Variants in CTIF observed in about 807,000 individuals in gnomAD.
CTIF encodes cap binding complex dependent translation initiation factor, also known as CBP80/20-dependent translation initiation factor.
Under a neutral mutation model 66.0 loss-of-function variants are expected in CTIF, and 21 were observed. The ratio of observed to expected loss-of-function variants is 0.32; its 90% CI spans 0.23 to 0.46. The LOEUF (loss-of-function observed/expected upper bound fraction) is 0.46. Ranked by LOEUF, CTIF falls within the 20% of genes least tolerant of loss-of-function variation. The pLI is 1.00. For missense variants in CTIF, 739 were observed against 812.7 expected, an observed-to-expected ratio of 0.91 and a Z score of 1.10; for synonymous variants, 345 against 326.4, an observed-to-expected ratio of 1.06 and a Z score of -0.62.
At chr18:48,800,082 G>A (rs939264572) in intron 9 of CTIF, among the ~76,000 whole-genome samples, 5 of 152,234 alleles carry the variant, frequency 3.3e-5, no homozygotes, top group Non-Finnish European at 5.9e-5. Flanking sequence ...TTCAGCAGCC[G>A]GAGGAAGAGG....
chr18:48,560,742 G>T (rs2145610127), intron 1 of CTIF, among the ~76,000 whole-genome samples: 1 of 151,624 alleles, frequency 6.6e-6, no homozygotes, highest in Admixed American at 6.6e-5. Context: ...CACAAAATTT[G>T]TTGTATTTTT....
At chr18:48,578,890 G>T (rs974090467) in intron 1 of CTIF, among the ~76,000 whole-genome samples, 1 of 152,094 alleles carries the variant, frequency 6.6e-6, no homozygotes, top group African/African-American at 2.4e-5. Context: ...GTGTGCTTTT[G>T]GTGTCATATC....
intron 1 of CTIF, among the ~76,000 whole-genome samples, chr18:48,601,131 G>A (rs80241572): frequency 0.018 from 2,800 of 152,276 alleles, 87 homozygotes; most frequent in African/African-American, 0.064. Flanking sequence ...CCACTAAGGT[G>A]TTAGGCCCGT....
In CTIF at chr18:48,862,675, C is replaced by CTAT. The variant is rs944585244; in HGVS notation, c.*3121_*3123dup. On this transcript the variant is annotated 3_prime_UTR_variant, in exon 12 of 12. Coordinates refer to ENST00000256413, the MANE Select transcript of CTIF (RefSeq NM_014772.3). Reference sequence around the variant, plus strand: ...TATTCTGATTGATTTTTATTTTATTCTATTATTTTCTCCGAGGGATGAGGG... The same window carrying CTAT: ...TATTCTGATTGATTTTTATTTTATTCTATTATTATTTTCTCCGAGGGATGAGGG... The CTAT allele has an allele frequency of 4.6e-5, 7 of 150,786 alleles. No homozygotes were observed. The highest frequency in any genetic ancestry group is 4.1e-4 in the South Asian group (2 of 4,828). 9.3% of individuals were successfully genotyped at this position (150,786 alleles called of 1,614,324 possible).
intron 1 of CTIF, among the ~76,000 whole-genome samples, chr18:48,568,633 TAAAAAAAAAAAAAAAAAAAAAAAAAA>T (rs58084631): frequency 2.7e-5 from 1 of 36,622 alleles, no homozygotes; most frequent in Non-Finnish European, 6.0e-5. Context: ...GGGCAATTTG[TAAAAAAAAAAAAAAAAAAAAAAAAAA>T]AAAAAAAAAG....
chr18:48,722,036 G>C (rs1018922308), intron 7 of CTIF, among the ~76,000 whole-genome samples: 13 of 152,140 alleles, frequency 8.5e-5, no homozygotes, highest in Admixed American at 3.9e-4. Flanking sequence ...AGGCTGGCCA[G>C]GGCTTTCAGT....
At chr18:48,670,496 A>C (rs79535046) in intron 5 of CTIF, 173 bp from the exon 6 acceptor site, 353 of 498,088 alleles carry the variant, frequency 7.1e-4, no homozygotes, top group South Asian at 5.4e-3. Flanking sequence ...CCCCCCCCCC[A>C]CACACACACA....
At chr18:48,619,787 A>T (rs1244752508) in intron 2 of CTIF, 42 bp downstream of exon 2, 2 of 1,468,236 alleles carry the variant, frequency 1.4e-6, no homozygotes, top group Admixed American at 4.7e-5. Flanking sequence ...GGAAATTCAG[A>T]GGGGGTGATG....
chr18:48,618,994 G>C (rs886111151), intron 1 of CTIF, among the ~76,000 whole-genome samples: 6 of 152,212 alleles, frequency 3.9e-5, no homozygotes, highest in Admixed American at 6.5e-5. Flanking sequence ...CTGCTTATAA[G>C]TTACGGCCCA....
At chr18:48,721,900 G>A (rs1481083390) in intron 7 of CTIF, among the ~76,000 whole-genome samples, 1 of 152,192 alleles carries the variant, frequency 6.6e-6, no homozygotes, top group Non-Finnish European at 1.5e-5. Flanking sequence ...CTATAAAATA[G>A]GGCTCTGATT....
chr18:48,707,738 A>G (rs750960223), intron 6 of CTIF, among the ~76,000 whole-genome samples: 1 of 151,942 alleles, frequency 6.6e-6, no homozygotes, highest in Admixed American at 6.6e-5. Context: ...ATACCATGAT[A>G]TTCACCCTCT....
At chr18:48,757,879 C>G in intron 7 of CTIF, 40 bp from the exon 8 acceptor site, 1 of 1,582,298 alleles carries the variant, frequency 6.3e-7, no homozygotes, top group Non-Finnish European at 8.6e-7. Context: ...ACCAGCCCGC[C>G]CAGTGATCGC....
chr18:48,659,976 G>C (rs1329924769), intron 3 of CTIF, among the ~76,000 whole-genome samples: 20 of 151,958 alleles, frequency 1.3e-4, no homozygotes, highest in Admixed American at 1.3e-3. Flanking sequence ...GATTCAATGA[G>C]GAAAATGTGT....
intron 5 of CTIF, among the ~76,000 whole-genome samples, chr18:48,666,778 G>C (rs553711062): frequency 6.6e-6 from 1 of 152,192 alleles, no homozygotes; most frequent in Non-Finnish European, 1.5e-5. Flanking sequence ...CTCACTGCCT[G>C]CTCAGCCCAC....
Position 48,860,000 on chromosome 18 carries a change from T to C in CTIF, c.*441T>C. On this transcript the variant is annotated 3_prime_UTR_variant, in exon 12 of 12. Coordinates refer to ENST00000256413, the MANE Select transcript of CTIF (RefSeq NM_014772.3). The stretch of plus-strand genomic sequence containing the variant: ...AAAGTGGGTCGGAGACGGGCTCGCA[T>C]TGTTCCCGCATGCTGTCAGCCGCAG... 1 of 458,104 alleles carries C rather than the reference T, an allele frequency of 2.2e-6. No homozygotes were observed. The highest frequency in any genetic ancestry group is 4.4e-6 in the Non-Finnish European group (1 of 228,250). 28.4% of individuals were successfully genotyped at this position (458,104 alleles called of 1,614,324 possible). A position where few individuals can be genotyped will look rare whatever the true frequency, so the allele number is the denominator to read the frequency against.
At chr18:48,779,673 T>G (rs899063000) in intron 9 of CTIF, among the ~76,000 whole-genome samples, 2 of 152,238 alleles carry the variant, frequency 1.3e-5, no homozygotes, top group African/African-American at 4.8e-5. Flanking sequence ...GGCTTGGGTC[T>G]GCTGCCTCCT....
At chr18:48,658,845 T>C (rs919153809) in intron 3 of CTIF, among the ~76,000 whole-genome samples, 1 of 152,250 alleles carries the variant, frequency 6.6e-6, no homozygotes, top group African/African-American at 2.4e-5. Flanking sequence ...GAGTGGCCAC[T>C]TGGGTGCTCA....
intron 1 of CTIF, among the ~76,000 whole-genome samples, chr18:48,599,585 A>G (rs2090053104): frequency 6.6e-6 from 1 of 152,170 alleles, no homozygotes; most frequent in Non-Finnish European, 1.5e-5. Context: ...CTTCGTAAAC[A>G]ATTCCTGAGG....
At chr18:48,780,519 A>G (rs1911101823) in intron 9 of CTIF, among the ~76,000 whole-genome samples, 1 of 152,034 alleles carries the variant, frequency 6.6e-6, no homozygotes, top group Admixed American at 6.5e-5. Flanking sequence ...AGGGTGAGGG[A>G]CACTTTATCC....
Sources: gnomAD v4.1 joint callset for allele counts (sites outside exome capture counted in the v4.1 genomes callset) on GRCh38, gnomAD v4.1.1 for gene constraint, MANE v1.5 for transcripts, NCBI Gene and HGNC (gene_info 2026-07-23, HGNC 2026-07-21) for gene names.